MMP26: variants seen among roughly 807,000 people sequenced by gnomAD.
MMP26 encodes the protein matrix metallopeptidase 26.
Under a neutral mutation model 31.0 loss-of-function variants are expected in MMP26, and 33 were observed. The observed-to-expected ratio is 1.06, with a 90% CI of 0.81 to 1.42. The LOEUF (loss-of-function observed/expected upper bound fraction) is 1.42. MMP26 is among the 40% of genes most tolerant of loss of function. The probability of loss-of-function intolerance (pLI) is 0.00; values close to 1 mark genes in which losing one functional copy is unlikely to be tolerated. For missense variants in MMP26, 347 were observed against 316.1 expected (o/e 1.10, Z -0.74); for synonymous variants, 122 against 114.9 (o/e 1.06, Z -0.40).
At chr11:4,776,591 T>C (rs1031131448) in intron 2 of MMP26, among the ~76,000 whole-genome samples, 5 of 152,172 alleles carry the variant, frequency 3.3e-5, no homozygotes, top group African/African-American at 4.8e-5. Context: ...TTTCAAATTG[T>C]AATCTCCAAA....
At chr11:4,821,530 T>C in intron 2 of MMP26, 1 of 1,612,452 alleles carries the variant, frequency 6.2e-7, no homozygotes, top group Non-Finnish European at 8.5e-7. Context: ...TTGTCTCCTA[T>C]ATGTTGTTGC....
intron 2 of MMP26, among the ~76,000 whole-genome samples, chr11:4,854,541 G>A (rs1370871410): frequency 2.0e-5 from 3 of 152,184 alleles, no homozygotes; most frequent in Admixed American, 2.0e-4. Flanking sequence ...GCTGAGGCTT[G>A]AGTAGGTAAA....
chr11:4,745,291 C>T (rs1471182750), intron 1 of MMP26, among the ~76,000 whole-genome samples: 4 of 152,110 alleles, frequency 2.6e-5, no homozygotes, highest in Non-Finnish European at 5.9e-5. Context: ...AAGAAATATA[C>T]GGTTGCATTT....
intron 2 of MMP26, chr11:4,877,195 C>A (rs1228310017): frequency 1.3e-5 from 2 of 152,300 alleles, no homozygotes; most frequent in African/African-American, 2.4e-5. Flanking sequence ...GTACTAGATG[C>A]CTTAATACTT....
At position 4,881,188 on chromosome 11, in the gene MMP26, T is replaced by G. The variant is rs529526716; in HGVS notation, c.-144-106880T>G. Among the ~76,000 whole-genome samples the G allele has an allele frequency of 3.3e-5, 5 of 152,228 alleles. No individual in the cohort carries two copies. In the East Asian group the frequency reaches 5.8e-4, roughly 18 times the overall value. On this transcript the variant is annotated intron_variant, in intron 2 of 7. Transcript: ENST00000380390. ...CCTCACAGAGAGAAAGCCCTCTGCT[T>G]CTTCTTCTGTCTCCATTCCACAGGA...
rs1851239908 is a variant in MMP26 at position 4,924,431 on chromosome 11, A to G, written c.-144-63637A>G. ...AATTCTCACTCACCTAAATGTCCCA[A>G]GATCAGCCAGTAAGGAAGCATCTGC... is the stretch of plus-strand genomic sequence containing the variant. On this transcript the variant is annotated intron_variant, in intron 2 of 7. Coordinates refer to ENST00000380390, the MANE Select transcript of MMP26 (RefSeq NM_021801.5). 5 of 1,321,294 alleles carry G rather than the reference A, an allele frequency of 3.8e-6. No individual in the cohort carries two copies. In the African/African-American group the frequency reaches 4.4e-5, roughly 12 times the overall value. The allele number at this position is 1,321,294 out of a possible 1,614,324, so 81.8% of individuals were successfully genotyped here.
intron 2 of MMP26, among the ~76,000 whole-genome samples, chr11:4,809,381 CA>C (rs1391447511): frequency 5.3e-5 from 8 of 152,340 alleles, no homozygotes; most frequent in African/African-American, 1.7e-4. Context: ...ACTGTATTAT[CA>C]CACTGAGTGG....
intron 1 of MMP26, among the ~76,000 whole-genome samples, chr11:4,720,324 C>T (rs1370985940): frequency 6.6e-6 from 1 of 152,142 alleles, no homozygotes; most frequent in Non-Finnish European, 1.5e-5. Context: ...ATACCATCTT[C>T]AAATAAATTA....
chr11:4,791,702 G>GA (rs1424286469), intron 2 of MMP26, among the ~76,000 whole-genome samples: 2 of 152,100 alleles, frequency 1.3e-5, no homozygotes, highest in Admixed American at 1.3e-4. Context: ...ATAATTCTTA[G>GA]AAAAGTGCAA....
chr11:4,951,702 A>T (rs1179238487), intron 2 of MMP26, among the ~76,000 whole-genome samples: 1 of 124,182 alleles, frequency 8.1e-6, no homozygotes, highest in African/African-American at 2.7e-5. Context: ...CATATGAACC[A>T]ATTGCACCAG....
Position 4,848,511 on chromosome 11 carries a change from T to G in MMP26, c.-145+81170T>G, listed in dbSNP as rs758072053. ...GCGATCCTCTCTGGACTCCACACCT[T>G]GCAACACCTTGCCAATCAGGCCATA... On this transcript the variant is annotated intron_variant, in intron 2 of 7. Coordinates refer to ENST00000380390, the MANE Select transcript of MMP26 (RefSeq NM_021801.5). The G allele has an allele frequency of 1.1e-5, 17 of 1,613,370 alleles. No homozygotes were observed. Among genetic ancestry groups the G allele is most frequent in the Middle Eastern group, 1.6e-4 (1 of 6,076 alleles).
At chr11:4,827,742 A>T (rs1025400972) in intron 2 of MMP26, among the ~76,000 whole-genome samples, 1 of 151,996 alleles carries the variant, frequency 6.6e-6, no homozygotes, top group Non-Finnish European at 1.5e-5. Context: ...AGAAAAAAAT[A>T]GAAGAAAGAT....
At chr11:4,814,417 A>G (rs1259743381) in intron 2 of MMP26, among the ~76,000 whole-genome samples, 1 of 152,214 alleles carries the variant, frequency 6.6e-6, no homozygotes, top group African/African-American at 2.4e-5. Context: ...AAGAATAAAA[A>G]AGAATGAAGA....
intron 2 of MMP26, among the ~76,000 whole-genome samples, chr11:4,926,750 T>C (rs1385540342): frequency 6.6e-6 from 1 of 152,076 alleles, no homozygotes; most frequent in Non-Finnish European, 1.5e-5. Flanking sequence ...AAGAGGCAAG[T>C]GTATAAGGTA....
At chr11:4,904,040 G>A (rs1850844241) in intron 2 of MMP26, among the ~76,000 whole-genome samples, 1 of 151,948 alleles carries the variant, frequency 6.6e-6, no homozygotes, top group Non-Finnish European at 1.5e-5. Flanking sequence ...ATAAAAGCAA[G>A]CCTTATTGTC....
At chr11:4,856,788 C>A (rs1184528530) in intron 2 of MMP26, among the ~76,000 whole-genome samples, 1 of 152,174 alleles carries the variant, frequency 6.6e-6, no homozygotes, top group Non-Finnish European at 1.5e-5. Context: ...AGCACCACGT[C>A]GCACTTATTC....
At chr11:4,717,532 T>A (rs1309833590) in intron 1 of MMP26, among the ~76,000 whole-genome samples, 1 of 152,030 alleles carries the variant, frequency 6.6e-6, no homozygotes, top group East Asian at 1.9e-4. Context: ...TGTTGTTTTT[T>A]TTTTTTCTCA....
intron 2 of MMP26, among the ~76,000 whole-genome samples, chr11:4,929,722 G>T (rs116094684): frequency 1.5e-3 from 233 of 152,134 alleles, no homozygotes; most frequent in African/African-American, 5.5e-3. Flanking sequence ...TTATTTAGAT[G>T]CTTTAGATAG....
intron 3 of MMP26, 62 bp downstream of exon 3, chr11:4,988,372 T>C: frequency 8.7e-7 from 1 of 1,149,298 alleles, no homozygotes; most frequent in Non-Finnish European, 1.3e-6. Context: ...TTATTTCGTG[T>C]GTGTGTGTAT....
Sources: allele counts gnomAD v4.1 joint callset (sites outside exome capture counted in the v4.1 genomes callset), GRCh38; gene constraint gnomAD v4.1.1; transcripts MANE v1.5; gene names NCBI Gene and HGNC (gene_info 2026-07-23, HGNC 2026-07-21).